Variants in KCNB2 observed in about 807,000 individuals in gnomAD.
KCNB2 encodes the protein delayed rectifier potassium channel protein.
Under a neutral mutation model 61.5 loss-of-function variants are expected in KCNB2, and 15 were observed. That is an observed-to-expected ratio of 0.24 (90% CI 0.16 to 0.38). The LOEUF is 0.38. Ranked by LOEUF, KCNB2 falls within the 10% of genes least tolerant of loss-of-function variation. The pLI, the probability that KCNB2 is intolerant of heterozygous loss-of-function variation, is 1.00. For missense variants in KCNB2, 828 were observed against 1,125.2 expected (o/e 0.74, Z 3.78); for synonymous variants, 457 against 446.0 (o/e 1.02, Z -0.31).
At chr8:72,561,776 T>C (rs961028361) in intron 1 of KCNB2, among the ~76,000 whole-genome samples, 3,323 of 26,198 alleles carry the variant, frequency 0.13, 556 homozygotes, top group East Asian at 0.21. Context: ...TATATATATA[T>C]GGATATATAT....
chr8:72,586,626 A>C (rs1807004913), intron 2 of KCNB2, among the ~76,000 whole-genome samples: 1 of 152,202 alleles, frequency 6.6e-6, no homozygotes, highest in African/African-American at 2.4e-5. Context: ...TCAGTTGCAC[A>C]ATAATCCCCT....
At chr8:72,869,524 T>G (rs1484750103) in intron 2 of KCNB2, among the ~76,000 whole-genome samples, 1 of 151,926 alleles carries the variant, frequency 6.6e-6, no homozygotes, top group Non-Finnish European at 1.5e-5. Context: ...AATAACCCAA[T>G]TTAAAAACGG....
intron 2 of KCNB2, among the ~76,000 whole-genome samples, chr8:72,830,046 G>A (rs1809666297): frequency 1.3e-5 from 2 of 149,800 alleles, no homozygotes; most frequent in South Asian, 4.2e-4. Context: ...GCTACTATTT[G>A]TCAACTGAGA....
chr8:72,938,341 A>G lies in KCNB2; in HGVS notation c.*250A>G. The stretch of plus-strand genomic sequence containing the variant: ...GTGAACAAATAAAAAGAGCTCTATT[A>G]GGAACCAATATTCTGCAATGTCTGA... On this transcript the variant is annotated 3_prime_UTR_variant, in exon 3 of 3. Coordinates refer to ENST00000523207, the MANE Select transcript of KCNB2 (RefSeq NM_004770.3). The G allele has an allele frequency of 5.0e-6, 2 of 400,600 alleles. No homozygotes were observed. Among genetic ancestry groups the G allele is most frequent in the Non-Finnish European group, 4.5e-6 (1 of 224,558 alleles). The allele number at this position is 400,600 out of a possible 1,614,324, so 24.8% of individuals were successfully genotyped here. A position where few individuals can be genotyped will look rare whatever the true frequency, so the allele number is the denominator to read the frequency against.
chr8:72,807,290 A>T (rs1041220603), intron 2 of KCNB2, among the ~76,000 whole-genome samples: 1 of 152,220 alleles, frequency 6.6e-6, no homozygotes, highest in African/African-American at 2.4e-5. Context: ...TGAGCATATG[A>T]ACCATATACT....
intron 2 of KCNB2, among the ~76,000 whole-genome samples, chr8:72,763,034 C>T (rs999008049): frequency 8.1e-6 from 1 of 123,366 alleles, no homozygotes; most frequent in African/African-American, 3.4e-5. Flanking sequence ...TCAACGAGAA[C>T]TTTGCAAAGT....
intron 2 of KCNB2, among the ~76,000 whole-genome samples, chr8:72,614,347 C>G (rs1805585253): frequency 6.6e-6 from 1 of 152,102 alleles, no homozygotes; most frequent in South Asian, 2.1e-4. Flanking sequence ...CCTAAAGGGT[C>G]AATGCATGAT....
At chr8:72,793,499 G>A (rs1055124022) in intron 2 of KCNB2, among the ~76,000 whole-genome samples, 6 of 152,126 alleles carry the variant, frequency 3.9e-5, no homozygotes, top group Non-Finnish European at 5.9e-5. Flanking sequence ...AAGAATCAGA[G>A]GAGACATGGA....
chr8:72,663,831 T>A (rs1806420835), intron 2 of KCNB2, among the ~76,000 whole-genome samples: 1 of 152,216 alleles, frequency 6.6e-6, no homozygotes, highest in Non-Finnish European at 1.5e-5. Context: ...TTTTTATTGT[T>A]AATTTTATAA....
At chr8:72,716,580 G>C (rs1393021286) in intron 2 of KCNB2, among the ~76,000 whole-genome samples, 13 of 152,178 alleles carry the variant, frequency 8.5e-5, no homozygotes. Context: ...TATCTCAATA[G>C]ATGCAGAAAA....
intron 2 of KCNB2, among the ~76,000 whole-genome samples, chr8:72,863,110 A>T (rs1805447628): frequency 6.6e-6 from 1 of 152,186 alleles, no homozygotes; most frequent in Admixed American, 6.6e-5. Context: ...CCATACAATA[A>T]CTCAAAATAA....
chr8:72,920,119 A>G (rs931253317), intron 2 of KCNB2, among the ~76,000 whole-genome samples: 1 of 152,110 alleles, frequency 6.6e-6, no homozygotes, highest in Non-Finnish European at 1.5e-5. Flanking sequence ...CTTAAGTTAT[A>G]TATAACTTAA....
At chr8:72,782,666 A>T (rs1411448802) in intron 2 of KCNB2, among the ~76,000 whole-genome samples, 1 of 152,050 alleles carries the variant, frequency 6.6e-6, no homozygotes, top group Non-Finnish European at 1.5e-5. Context: ...GGCTCTTTCC[A>T]TCCACTTTTT....
chr8:72,665,031 G>A (rs1036494322), intron 2 of KCNB2, among the ~76,000 whole-genome samples: 7 of 152,050 alleles, frequency 4.6e-5, no homozygotes, highest in Non-Finnish European at 1.5e-5. Flanking sequence ...GGGAAAGGAA[G>A]TGGGGAAGAA....
intron 2 of KCNB2, among the ~76,000 whole-genome samples, chr8:72,797,396 C>T (rs868277675): frequency 1.3e-4 from 20 of 152,162 alleles, no homozygotes; most frequent in African/African-American, 4.6e-4. Context: ...TATCTCCCAA[C>T]CTGTTTGTGT....
chr8:72,653,825 T>C (rs1221995159), intron 2 of KCNB2, among the ~76,000 whole-genome samples: 1 of 152,232 alleles, frequency 6.6e-6, no homozygotes, highest in Non-Finnish European at 1.5e-5. Context: ...TGGGTTATGT[T>C]ATATACTTGT....
chr8:72,836,911 A>C (rs1279068122), intron 2 of KCNB2, among the ~76,000 whole-genome samples: 1 of 152,200 alleles, frequency 6.6e-6, no homozygotes, highest in Non-Finnish European at 1.5e-5. Context: ...CTTTGTCTCA[A>C]AATAACAAAC....
intron 2 of KCNB2, among the ~76,000 whole-genome samples, chr8:72,908,896 G>C (rs186828883): frequency 6.7e-4 from 102 of 152,294 alleles, no homozygotes; most frequent in African/African-American, 2.5e-3. Flanking sequence ...TGAACCAAGG[G>C]CTGATTCAAA....
At chr8:72,869,151 T>A (rs1380238374) in intron 2 of KCNB2, among the ~76,000 whole-genome samples, 1 of 152,198 alleles carries the variant, frequency 6.6e-6, no homozygotes. Flanking sequence ...AACTGGGGTA[T>A]GGTTGAGTTA....
Sources: gnomAD v4.1 joint callset for allele counts (sites outside exome capture counted in the v4.1 genomes callset) on GRCh38, gnomAD v4.1.1 for gene constraint, MANE v1.5 for transcripts, NCBI Gene and HGNC (gene_info 2026-07-23, HGNC 2026-07-21) for gene names.